MTA1: variants seen among roughly 807,000 people sequenced by gnomAD.
MTA1 encodes the protein metastasis associated 1.
A neutral mutation model predicts 97.0 loss-of-function variants in MTA1; 15 were observed. The ratio of observed to expected loss-of-function variants is 0.15; its 90% confidence interval spans 0.10 to 0.24. MTA1 has a LOEUF of 0.24. Ranked by LOEUF, MTA1 falls within the 10% of genes least tolerant of loss-of-function variation. The probability of loss-of-function intolerance (pLI) is 1.00; values close to 1 mark genes in which losing one functional copy is unlikely to be tolerated. For synonymous variants in MTA1, 435 were observed against 417.5 expected, an observed-to-expected ratio of 1.04 and a Z score of -0.51; for missense variants, 709 against 1,015.1, an observed-to-expected ratio of 0.70 and a Z score of 4.10.
In MTA1 at chr14:105,424,370, A is replaced by ATT. The variant is rs1193699679; in HGVS notation, c.28+4319_28+4320dup. ...CACCATGCCTGGCTAATGTTTTGTA[A>ATT]TTTTTTTTTTTTTGTAGAGACGGGG... On this transcript the variant is annotated intron_variant, in intron 1 of 20. Coordinates refer to ENST00000331320, the MANE Select transcript of MTA1 (RefSeq NM_004689.4). This position sits in a 1 kb window ranked among gnomAD's most constrained non-coding sequence, Gnocchi z 4.0. 7.0e-6 allele frequency among the ~76,000 whole-genome samples: 1 copy of ATT among 143,176 alleles called. No individual in the cohort carries two copies. The highest frequency in any genetic ancestry group is 2.6e-5 in the African/African-American group (1 of 39,102). The allele number at this position is 143,176 out of a possible 152,430, so 93.9% of individuals were successfully genotyped here.
At chr14:105,452,080 C>T (rs1276584414) in intron 6 of MTA1, among the ~76,000 whole-genome samples, 2 of 152,244 alleles carry the variant, frequency 1.3e-5, no homozygotes, top group Admixed American at 6.5e-5. Context: ...GCATGAGCCA[C>T]TGCGCCCAGC....
Position 105,424,425 on chromosome 14 carries a change from T to G in MTA1, c.28+4362T>G, listed in dbSNP as rs1179096077. ...ACTGTGTTAGCCAGTATGGTCTCGA[T>G]CTCCTGACCTTGTGACCCACCCGCC... On this transcript the variant is annotated intron_variant, in intron 1 of 20. Coordinates refer to ENST00000331320, the MANE Select transcript of MTA1 (RefSeq NM_004689.4). The surrounding 1 kb of genome is among the most constrained non-coding windows in gnomAD (Gnocchi z 4.0). Among the ~76,000 whole-genome samples, 6 of 151,780 alleles carry G rather than the reference T, an allele frequency of 4.0e-5. No individual in the cohort carries two copies. Among genetic ancestry groups the G allele is most frequent in the African/African-American group, 1.5e-4 (6 of 41,308 alleles).
At chr14:105,461,265 T>C (rs1246106274) in intron 10 of MTA1, among the ~76,000 whole-genome samples, 1 of 152,200 alleles carries the variant, frequency 6.6e-6, no homozygotes, top group African/African-American at 2.4e-5. Flanking sequence ...TCACGGAGAC[T>C]TTCCCTTCCT....
In MTA1 at chr14:105,460,657, G is replaced by A. The variant is rs988011436; in HGVS notation, c.754-108G>A. ...CTGAGGGTGCAGGGAGGGTTGTGCT[G>A]CTGGGCCTGCAGTAGGGGATCCTTG... On this transcript the variant is annotated intron_variant, in intron 9 of 20. Coordinates refer to ENST00000331320, the MANE Select transcript of MTA1 (RefSeq NM_004689.4). 9 of 1,314,624 alleles carry A rather than the reference G, an allele frequency of 6.8e-6. No individual in the cohort carries two copies. The African/African-American group carries it at 1.0e-4, about 15-fold the overall frequency. The allele number at this position is 1,314,624 out of a possible 1,614,324, so 81.4% of individuals were successfully genotyped here. A position where few individuals can be genotyped will look rare whatever the true frequency, so the allele number is the denominator to read the frequency against.
chr14:105,449,449 G>C (rs782213251), intron 4 of MTA1, 40 bp downstream of exon 4: 2 of 1,602,018 alleles, frequency 1.2e-6, no homozygotes, highest in East Asian at 4.5e-5. Context: ...CCTCCTGTCT[G>C]TGTCCCTGGG....
chr14:105,437,943 G>A (rs111758575), intron 1 of MTA1, among the ~76,000 whole-genome samples: 1 of 152,254 alleles, frequency 6.6e-6, no homozygotes, highest in African/African-American at 2.4e-5. Context: ...TGTCTGTGGA[G>A]CTGGTGAGAA....
intron 6 of MTA1, among the ~76,000 whole-genome samples, chr14:105,453,840 G>T (rs2083038476): frequency 6.6e-6 from 1 of 152,200 alleles, no homozygotes; most frequent in Non-Finnish European, 1.5e-5. Context: ...ATAAGTCATG[G>T]TTTTTGGGCT....
intron 2 of MTA1, among the ~76,000 whole-genome samples, chr14:105,441,269 C>G (rs150196765): frequency 0.079 from 11,701 of 147,688 alleles, 494 homozygotes; most frequent in African/African-American, 0.089. Flanking sequence ...GGCCCCCCCG[C>G]CCCTCTTGCC....
chr14:105,421,919 G>T (rs1020646566), intron 1 of MTA1, among the ~76,000 whole-genome samples: 33 of 152,232 alleles, frequency 2.2e-4, no homozygotes, highest in African/African-American at 7.7e-4. Flanking sequence ...GTGCTGTGAG[G>T]GTGGGTGGCC....
At chr14:105,467,500 G>C (rs1273576162) in intron 18 of MTA1, 4 of 455,942 alleles carry the variant, frequency 8.8e-6, no homozygotes, top group South Asian at 6.2e-5. Context: ...GGGTGTCCTG[G>C]CAGGCACGTC....
rs73362810 is a variant in MTA1, at chr14:105,429,204, T to G, written c.28+9141T>G. On this transcript the variant is annotated intron_variant, in intron 1 of 20. Transcript: ENST00000331320. Reference sequence around the variant, plus strand: ...GCTTCGGGGAATGTGTCCGCTTTGATTTCCCATCCCGGCACTTCAGCTTTC... The same window carrying G: ...GCTTCGGGGAATGTGTCCGCTTTGAGTTCCCATCCCGGCACTTCAGCTTTC... 3.2e-3 allele frequency among the ~76,000 whole-genome samples: 482 copies of G among 152,326 alleles called. 5 individuals carry two copies. Among genetic ancestry groups the G allele is most frequent in the African/African-American group, 0.011 (446 of 41,582 alleles).
chr14:105,463,747 C>T lies in MTA1; in HGVS notation c.1076+196C>T, dbSNP rs2083452228. 2 of 629,164 alleles carry T rather than the reference C, an allele frequency of 3.2e-6. No homozygotes were observed. Among genetic ancestry groups the T allele is most frequent in the East Asian group, 5.5e-5 (2 of 36,520 alleles). 39.0% of individuals were successfully genotyped at this position (629,164 alleles called of 1,614,324 possible). A position where few individuals can be genotyped will look rare whatever the true frequency, so the allele number is the denominator to read the frequency against. On this transcript the variant is annotated intron_variant, in intron 12 of 20. Coordinates refer to ENST00000331320, the MANE Select transcript of MTA1 (RefSeq NM_004689.4). The surrounding 1 kb of genome is among the most constrained non-coding windows in gnomAD (Gnocchi z 5.9). Reference sequence around the variant, plus strand: ...GTGGCCATGTCTCTGTCGTCCTGGCCTCCTGGTCAGTAAGGGGGCATTGGG... The same window carrying T: ...GTGGCCATGTCTCTGTCGTCCTGGCTTCCTGGTCAGTAAGGGGGCATTGGG...
chr14:105,448,805 G>A (rs1368313227), intron 3 of MTA1, among the ~76,000 whole-genome samples: 2 of 152,272 alleles, frequency 1.3e-5, no homozygotes, highest in Non-Finnish European at 2.9e-5. Flanking sequence ...GCACCACAAG[G>A]GGGCCGCAGA....
chr14:105,466,218 G>A (rs1245029649), intron 16 of MTA1: 13 of 595,488 alleles, frequency 2.2e-5, no homozygotes, highest in East Asian at 2.8e-5. Context: ...GGACTGGCCC[G>A]GGCACACGCC....
At chr14:105,429,325 G>T (rs1288026959) in intron 1 of MTA1, among the ~76,000 whole-genome samples, 13 of 151,888 alleles carry the variant, frequency 8.6e-5, no homozygotes, top group Admixed American at 7.2e-4. Flanking sequence ...TTGCTCTGTC[G>T]CCCAGGCTGG....
chr14:105,470,041 C>G (rs782715781), intron 20 of MTA1, 24 bp from the exon 21 acceptor site: 1 of 1,612,488 alleles, frequency 6.2e-7, no homozygotes, highest in African/African-American at 1.3e-5. Flanking sequence ...GCGTCCCGGC[C>G]CTCACCACCA....
chr14:105,468,691 A>G (rs1555433510), intron 18 of MTA1, among the ~76,000 whole-genome samples: 1 of 152,122 alleles, frequency 6.6e-6, no homozygotes, highest in African/African-American at 2.4e-5. Context: ...CACCTGACTG[A>G]GTTGAGTATG....
chr14:105,450,607 A>T (rs1278047967), intron 6 of MTA1, among the ~76,000 whole-genome samples: 2 of 151,382 alleles, frequency 1.3e-5, no homozygotes, highest in Non-Finnish European at 2.9e-5. Context: ...CCCCCTGGGG[A>T]GGGTGTGGCT....
chr14:105,420,663 C>T lies in MTA1; in HGVS notation c.28+600C>T, dbSNP rs2081802218. Reference sequence around the variant, plus strand: ...TCCCCCCAAACTTTTCCCTGCCTCTCGCTCACCTCAGCCCATTCGGGAGGC... The same window carrying T: ...TCCCCCCAAACTTTTCCCTGCCTCTTGCTCACCTCAGCCCATTCGGGAGGC... On this transcript the variant is annotated intron_variant, in intron 1 of 20. Transcript: ENST00000331320. The surrounding 1 kb of genome is among the most constrained non-coding windows in gnomAD (Gnocchi z 5.3). Among the ~76,000 whole-genome samples the T allele has an allele frequency of 6.6e-6, 1 of 152,220 alleles. No individual in the cohort carries two copies. The highest frequency in any genetic ancestry group is 1.5e-5 in the Non-Finnish European group (1 of 68,024).
Sources: allele counts gnomAD v4.1 joint callset (sites outside exome capture counted in the v4.1 genomes callset), GRCh38; gene constraint gnomAD v4.1.1; non-coding constraint Gnocchi (gnomAD v3.1); transcripts MANE v1.5; gene names NCBI Gene and HGNC (gene_info 2026-07-23, HGNC 2026-07-21).